The following SYNE2 variants were observed in gnomAD, a reference collection of about 807,000 sequenced individuals.
SYNE2 encodes the protein nesprin-2.
In SYNE2, 431 loss-of-function variants were observed where a neutral mutation model predicts 856.3. That is an observed-to-expected ratio of 0.50 (90% CI 0.47 to 0.55). SYNE2 has a LOEUF of 0.55. SYNE2 is among the 20% of genes least tolerant of loss of function. The pLI is 0.00. For missense variants in SYNE2, 8,129 were observed against 8,023.2 expected, an observed-to-expected ratio of 1.01 and a Z score of -0.50; for synonymous variants, 2,923 against 2,872.3, an observed-to-expected ratio of 1.02 and a Z score of -0.56.
In SYNE2 at chr14:64,162,271, A is replaced by C. The variant is rs776776711; in HGVS notation, c.16294A>C (p.Ile5432Leu). ...GATCCTGCCCCCAGCCCTGCAGGAC[A>C]TAAAGGTGGGTACAAAGCCCATTTG... ...AEILPPALQD[I>L]KELQHDVQKT... The change falls in exon 88 of 116, where the codon ATA becomes CTA. Residue 5432 changes from isoleucine (I) to leucine (L), a missense_variant. Transcript: ENST00000555002. 6.2e-7 allele frequency: 1 copy of C among 1,614,060 alleles called. No individual in the cohort carries two copies. Among genetic ancestry groups the C allele is most frequent in the Non-Finnish European group, 8.5e-7 (1 of 1,180,000 alleles).
chr14:64,012,651 A>G (rs528911601), intron 32 of SYNE2, among the ~76,000 whole-genome samples: 1 of 152,338 alleles, frequency 6.6e-6, no homozygotes, highest in South Asian at 2.1e-4. Flanking sequence ...ATTTTATTAA[A>G]ATGAGAATTG....
rs1459969773 is a variant in SYNE2, at chr14:64,214,236, A to G, written c.19099A>G (p.Met6367Val). 1 of 1,614,134 alleles carries G rather than the reference A, an allele frequency of 6.2e-7. No individual in the cohort carries two copies. Among genetic ancestry groups the G allele is most frequent in the Non-Finnish European group, 8.5e-7 (1 of 1,180,022 alleles). ...EKEASENETD[M>V]EDPREIQTDS... ...GGAGGCCTCTGAGAATGAAACAGACATGGAAGACCCCAGAGAAATCCAGAC... is the reference window on the plus strand; with the variant it reads ...GGAGGCCTCTGAGAATGAAACAGACGTGGAAGACCCCAGAGAAATCCAGAC... The change falls in exon 106 of 116, where the codon ATG becomes GTG. Residue 6367 changes from methionine to valine, a missense_variant. Physicochemically the swap from Met to Val is conservative, Grantham distance 21. Around this residue, in one of 3 missense-constraint regions of SYNE2, gnomAD observed 5,410 missense variants for 5,284.8 expected, o/e 1.02. Coordinates refer to ENST00000555002, the MANE Select transcript of SYNE2 (RefSeq NM_182914.3).
intron 24 of SYNE2, 52 bp from the exon 25 acceptor site, chr14:63,997,249 G>A: frequency 1.3e-6 from 2 of 1,588,618 alleles, no homozygotes; most frequent in Non-Finnish European, 8.6e-7. Context: ...TGCTTGTTTA[G>A]GTTTCATTTT....
chr14:63,934,082 T>G (rs1266335930), intron 2 of SYNE2, among the ~76,000 whole-genome samples: 1 of 152,230 alleles, frequency 6.6e-6, no homozygotes, highest in African/African-American at 2.4e-5. Flanking sequence ...TGTTTGCCAT[T>G]AAGCAAAGGT....
chr14:63,918,048 A>G (rs2095552682), intron 2 of SYNE2, among the ~76,000 whole-genome samples: 1 of 152,196 alleles, frequency 6.6e-6, no homozygotes, highest in Non-Finnish European at 1.5e-5. Context: ...CATTCCTTAT[A>G]GAAATAAAAA....
At chr14:63,840,885 A>T (rs1292060251) in intron 1 of SYNE2, among the ~76,000 whole-genome samples, 1 of 151,944 alleles carries the variant, frequency 6.6e-6, no homozygotes, top group East Asian at 1.9e-4. Flanking sequence ...GTGGTGGTGC[A>T]TGCCTGTAAT....
At chr14:63,775,765 G>T (rs1887086559) in intron 1 of SYNE2, among the ~76,000 whole-genome samples, 1 of 151,986 alleles carries the variant, frequency 6.6e-6, no homozygotes, top group African/African-American at 2.4e-5. Context: ...TTGTTTGTTT[G>T]TTTGTTTGTT....
intron 34 of SYNE2, 44 bp downstream of exon 34, chr14:64,017,800 G>A (rs1384070005): frequency 6.3e-7 from 1 of 1,595,180 alleles, no homozygotes; most frequent in Non-Finnish European, 8.6e-7. Flanking sequence ...GTACACAATT[G>A]ACATTTTTTA....
chr14:64,009,244 A>C (rs920516688), intron 31 of SYNE2, among the ~76,000 whole-genome samples: 2 of 152,080 alleles, frequency 1.3e-5, no homozygotes, highest in Middle Eastern at 3.2e-3. Flanking sequence ...GAATAGATAT[A>C]TAAAAGGCCA....
At chr14:63,956,961 C>T (rs1419755539) in intron 8 of SYNE2, among the ~76,000 whole-genome samples, 1 of 152,154 alleles carries the variant, frequency 6.6e-6, no homozygotes, top group Non-Finnish European at 1.5e-5. Context: ...AGCAGTTACT[C>T]TCCATTTACC....
intron 64 of SYNE2, among the ~76,000 whole-genome samples, chr14:64,104,368 T>C (rs2097757471): frequency 6.6e-6 from 1 of 152,050 alleles, no homozygotes; most frequent in Admixed American, 6.6e-5. Context: ...CATCTCCTTT[T>C]CTTGCCCCTC....
chr14:63,967,503 G>A (rs1427780361), intron 10 of SYNE2, among the ~76,000 whole-genome samples: 2 of 152,140 alleles, frequency 1.3e-5, no homozygotes, highest in East Asian at 3.9e-4. Context: ...AGCACAGAGT[G>A]AGACCTATGA....
chr14:64,118,872 A>G (rs1174186485), intron 66 of SYNE2, among the ~76,000 whole-genome samples: 1 of 152,068 alleles, frequency 6.6e-6, no homozygotes, highest in African/African-American at 2.4e-5. Flanking sequence ...GAAAAAAAAA[A>G]AAAAAAAGAT....
Position 64,188,559 on chromosome 14 carries a change from C to G in SYNE2, c.17722C>G (p.Arg5908Gly), listed in dbSNP as rs201147247. The change falls in exon 98 of 116, where the codon CGT (arginine) becomes GGT (glycine). Residue 5908 changes from arginine to glycine, a missense_variant. By Grantham distance (125) the Arg-to-Gly change is moderately radical. Coordinates refer to ENST00000555002, the MANE Select transcript of SYNE2 (RefSeq NM_182914.3). ...WEDLCLRVAI[R>G]KQEIEDRLNT... ...GTATTTTCATTTGCAGGTGGCCATA[C>G]GTAAACAGGAGATTGAAGACAGACT... 6.2e-7 allele frequency: 1 copy of G among 1,613,874 alleles called. No homozygotes were observed. The highest frequency in any genetic ancestry group is 8.5e-7 in the Non-Finnish European group (1 of 1,180,026).
Position 63,846,380 on chromosome 14 carries a change from C to T in SYNE2, c.-304-6121C>T, listed in dbSNP as rs148685102. Among the ~76,000 whole-genome samples, 52 of 152,120 alleles carry T rather than the reference C, an allele frequency of 3.4e-4. 1 individual carries two copies. Among genetic ancestry groups the T allele is most frequent in the African/African-American group, 1.2e-3 (50 of 41,522 alleles). On this transcript the variant is annotated intron_variant, in intron 1 of 23. Transcript: ENST00000674003. ...AGGTGCATCAGTGAGAAATCAAATT[C>T]ATTTTTGGCCGTTCTTTCATTTTTA...
chr14:63,828,152 A>G (rs1031655524), intron 1 of SYNE2, among the ~76,000 whole-genome samples: 1 of 151,140 alleles, frequency 6.6e-6, no homozygotes, highest in African/African-American at 2.4e-5. Context: ...AGCCATGATC[A>G]TGCCACTGCA....
chr14:64,089,039 A>G (rs532481379), intron 58 of SYNE2, among the ~76,000 whole-genome samples: 2 of 152,224 alleles, frequency 1.3e-5, no homozygotes, highest in Admixed American at 6.5e-5. Flanking sequence ...ATAAACAGCT[A>G]TTGTACATAC....
intron 27 of SYNE2, 36 bp from the exon 28 acceptor site, chr14:64,000,526 C>G: frequency 1.3e-6 from 2 of 1,573,364 alleles, no homozygotes; most frequent in Admixed American, 3.3e-5. Flanking sequence ...CTATTAACCC[C>G]ATTAGTTGAT....
upstream of SYNE2, chr14:63,852,938 C>G (rs1052975675): frequency 6.6e-6 from 1 of 151,750 alleles, no homozygotes; most frequent in East Asian, 1.9e-4. Flanking sequence ...CGGAGGCGGG[C>G]GGCGGGCGGG....
Sources: gnomAD v4.1 joint callset for allele counts (sites outside exome capture counted in the v4.1 genomes callset) on GRCh38, gnomAD v4.1.1 for gene constraint, gnomAD v4.1.1 regional missense constraint, MANE v1.5 for transcripts, NCBI Gene and HGNC (gene_info 2026-07-23, HGNC 2026-07-21) for gene names.